The following AVEN variants were observed in gnomAD, a reference collection of about 807,000 sequenced individuals.
AVEN encodes the protein cell death regulator Aven.
Under a neutral mutation model 38.1 loss-of-function variants are expected in AVEN, and 41 were observed. The ratio of observed to expected loss-of-function variants is 1.08; its 90% CI spans 0.84 to 1.40. The LOEUF is 1.40. Among genes scored for constraint, AVEN ranks in the 40% most tolerant of loss-of-function variants. AVEN has a pLI of 0.00. For missense variants in AVEN, 605 were observed against 438.8 expected (o/e 1.38, Z -3.38); for synonymous variants, 206 against 171.8 (o/e 1.20, Z -1.56).
downstream of AVEN, chr15:33,865,208 TGAA>T (rs760780071): frequency 6.2e-7 from 1 of 1,613,338 alleles, no homozygotes; most frequent in Non-Finnish European, 8.5e-7. Flanking sequence ...GTAAACAATA[TGAA>T]GATCAGCTTG....
In AVEN at chr15:34,038,865, C is replaced by CT; in HGVS notation, c.181_182insA (p.Gly61GlufsTer31). 8.7e-7 allele frequency: 1 copy of CT among 1,152,554 alleles called. No individual in the cohort carries two copies. Among genetic ancestry groups the CT allele is most frequent in the African/African-American group, 1.7e-5 (1 of 60,354 alleles). The allele number at this position is 1,152,554 out of a possible 1,614,324, so 71.4% of individuals were successfully genotyped here. ...TCCTCCTCCTCGGCCTCCGCGAGCG[C>CT]CGCGGAAGCCCCGGCCACGGCCACG... On this transcript the variant is annotated frameshift_variant, in exon 1 of 6. Coordinates refer to ENST00000306730, the MANE Select transcript of AVEN (RefSeq NM_020371.3). LOFTEE classifies it high-confidence loss of function.
chr15:34,023,264 A>G (rs987143223), intron 1 of AVEN, among the ~76,000 whole-genome samples: 1 of 152,064 alleles, frequency 6.6e-6, no homozygotes, highest in Non-Finnish European at 1.5e-5. Context: ...TCACTTCACA[A>G]TCTGCCAGCT....
chr15:33,963,031 C>T (rs1895257537), intron 2 of AVEN, among the ~76,000 whole-genome samples: 1 of 150,042 alleles, frequency 6.7e-6, no homozygotes, highest in South Asian at 2.1e-4. Flanking sequence ...CATGGGATAA[C>T]TGAAGAGAAC....
downstream of AVEN, chr15:33,856,118 C>G (rs554993998): frequency 4.6e-5 from 7 of 152,204 alleles, no homozygotes; most frequent in Non-Finnish European, 8.8e-5. Flanking sequence ...AAATGTCTCA[C>G]CCAAGACCAC....
At chr15:34,043,178 C>T (rs1216320603), upstream of AVEN, among the ~76,000 whole-genome samples, 1 of 148,104 alleles carries the variant, frequency 6.8e-6, no homozygotes, top group East Asian at 2.0e-4. Flanking sequence ...ACCTGGGAGG[C>T]AGAGCTTGCA....
chr15:34,044,843 G>C (rs923551917), intron 5 of AVEN, among the ~76,000 whole-genome samples: 1 of 152,232 alleles, frequency 6.6e-6, no homozygotes, highest in Admixed American at 6.5e-5. Context: ...GAGGTCAGGA[G>C]ATGGAGACCA....
intron 2 of AVEN, among the ~76,000 whole-genome samples, chr15:33,929,672 GA>G: frequency 6.6e-6 from 1 of 152,270 alleles, no homozygotes; most frequent in South Asian, 2.1e-4. Flanking sequence ...AAAATGGGGG[GA>G]AAATTACTGT....
chr15:33,858,879 G>T (rs571222646), exon 12 of AVEN: 1 of 152,528 alleles, frequency 6.6e-6, no homozygotes, highest in East Asian at 1.9e-4. Context: ...ACTTCTTGAC[G>T]AAAAACTCTC....
At chr15:33,963,730 G>C (rs1190529597) in intron 2 of AVEN, among the ~76,000 whole-genome samples, 1 of 150,838 alleles carries the variant, frequency 6.6e-6, no homozygotes, top group South Asian at 2.1e-4. Flanking sequence ...CTGGGAGGCA[G>C]AGGTTGCAGT....
intron 2 of AVEN, among the ~76,000 whole-genome samples, chr15:33,962,150 G>T (rs1895213895): frequency 6.6e-6 from 1 of 151,838 alleles, no homozygotes; most frequent in African/African-American, 2.4e-5. Context: ...AACAAAGTAA[G>T]GTTAAAAACC....
intron 2 of AVEN, among the ~76,000 whole-genome samples, chr15:33,910,133 C>CAAAAA (rs11313496): frequency 8.1e-6 from 1 of 124,002 alleles, no homozygotes. Flanking sequence ...GACTCCATCT[C>CAAAAA]AAAAAAAAAA....
At chr15:34,044,111 C>A (rs1899593170), upstream of AVEN, among the ~76,000 whole-genome samples, 2 of 150,740 alleles carry the variant, frequency 1.3e-5, no homozygotes, top group South Asian at 2.1e-4. Context: ...AAAAAAAAAA[C>A]TTCTTGGCTT....
chr15:33,902,305 C>T (rs1223890256), intron 2 of AVEN, among the ~76,000 whole-genome samples: 2 of 151,986 alleles, frequency 1.3e-5, no homozygotes, highest in African/African-American at 2.4e-5. Context: ...TGTGATACAC[C>T]ACATTAACAG....
chr15:34,008,645 T>C (rs1233811639), intron 1 of AVEN, among the ~76,000 whole-genome samples: 2 of 137,812 alleles, frequency 1.5e-5, no homozygotes, highest in Non-Finnish European at 1.5e-5. Flanking sequence ...TGTGCCACCA[T>C]GGCAGGCTAA....
upstream of AVEN, among the ~76,000 whole-genome samples, chr15:34,040,394 G>T (rs1461172389): frequency 1.3e-5 from 2 of 152,172 alleles, no homozygotes; most frequent in African/African-American, 4.8e-5. Flanking sequence ...GAGTTTGCCT[G>T]GTTGGTAAAT....
At chr15:33,937,606 C>A (rs147880577) in intron 2 of AVEN, among the ~76,000 whole-genome samples, 1 of 152,114 alleles carries the variant, frequency 6.6e-6, no homozygotes, top group Non-Finnish European at 1.5e-5. Flanking sequence ...CCCTAACCCC[C>A]CAATGTGATA....
At chr15:33,854,460 C>G (rs962991010), downstream of AVEN, 4 of 1,554,248 alleles carry the variant, frequency 2.6e-6, no homozygotes, top group South Asian at 3.6e-5. Context: ...GTAAGTACTG[C>G]ACCTGGAAAA....
At chr15:34,007,135 A>G (rs759830121) in intron 1 of AVEN, 21 of 746,730 alleles carry the variant, frequency 2.8e-5, no homozygotes, top group Non-Finnish European at 3.1e-5. Flanking sequence ...TAATCAAACT[A>G]CTGCCGAGCT....
At chr15:33,861,102 G>T in intron 11 of AVEN, 1 of 1,594,220 alleles carries the variant, frequency 6.3e-7, no homozygotes, top group South Asian at 1.1e-5. Context: ...CTGTGGGATT[G>T]GCAATGACTA....
Sources: gnomAD v4.1 joint callset for allele counts (sites outside exome capture counted in the v4.1 genomes callset) on GRCh38, gnomAD v4.1.1 for gene constraint, MANE v1.5 for transcripts, NCBI Gene and HGNC (gene_info 2026-07-23, HGNC 2026-07-21) for gene names.